Variants in RAB38 observed in about 807,000 individuals in gnomAD.
RAB38 encodes the protein RAB38, member RAS oncogene family.
In RAB38, 15 loss-of-function variants were observed where a neutral mutation model predicts 18.4. That is an observed-to-expected ratio of 0.82 (90% CI 0.55 to 1.26). The LOEUF (loss-of-function observed/expected upper bound fraction) is 1.26. RAB38 is among the 50% of genes most tolerant of loss of function. RAB38 has a pLI of 0.00. For synonymous variants in RAB38, 101 were observed against 104.4 expected (o/e 0.97, Z 0.20); for missense variants, 294 against 267.4 (o/e 1.10, Z -0.69).
chr11:88,098,276 A>G, the RAB38 span: 1 of 152,006 alleles, frequency 6.6e-6, no homozygotes, highest in Non-Finnish European at 1.5e-5. Context: ...TGCTAAGGTC[A>G]GAACAGGATT....
At chr11:87,932,563 T>G in the RAB38 span, among the ~76,000 whole-genome samples, 1 of 152,180 alleles carries the variant, frequency 6.6e-6, no homozygotes, top group African/African-American at 2.4e-5. Context: ...TTCTAATGGA[T>G]TTTTGCCCAG....
intron 2 of RAB38, among the ~76,000 whole-genome samples, chr11:88,123,607 C>G (rs1942656314): frequency 6.6e-6 from 1 of 152,126 alleles, no homozygotes; most frequent in African/African-American, 2.4e-5. Flanking sequence ...TGCAGTAAAG[C>G]AGACATAGGT....
At chr11:88,031,253 C>G in the RAB38 span, among the ~76,000 whole-genome samples, 1 of 152,004 alleles carries the variant, frequency 6.6e-6, no homozygotes. Flanking sequence ...CTATCTATGA[C>G]AAACCCACAG....
At chr11:87,916,412 T>C in the RAB38 span, among the ~76,000 whole-genome samples, 681 of 152,224 alleles carry the variant, frequency 4.5e-3, 3 homozygotes, top group Non-Finnish European at 6.5e-3. Context: ...GGGAGATTGA[T>C]TAGTTCTTAC....
chr11:88,144,704 T>C (rs1193513550), intron 2 of RAB38, among the ~76,000 whole-genome samples: 1 of 152,182 alleles, frequency 6.6e-6, no homozygotes, highest in Non-Finnish European at 1.5e-5. Context: ...TAGAACATTC[T>C]GGGAGAGAGG....
the RAB38 span, among the ~76,000 whole-genome samples, chr11:88,038,858 A>G: frequency 6.6e-6 from 1 of 152,206 alleles, no homozygotes; most frequent in Non-Finnish European, 1.5e-5. Context: ...TCTAAGATAT[A>G]ATCCACATTG....
At chr11:88,006,265 G>A in the RAB38 span, among the ~76,000 whole-genome samples, 3 of 151,254 alleles carry the variant, frequency 2.0e-5, no homozygotes, top group African/African-American at 7.3e-5. Flanking sequence ...TTAAAAAATC[G>A]AAAGATGACA....
At chr11:87,908,403 G>A in the RAB38 span, among the ~76,000 whole-genome samples, 3 of 151,934 alleles carry the variant, frequency 2.0e-5, no homozygotes, top group African/African-American at 7.2e-5. Context: ...CTTAATGTGG[G>A]TGAACACTCC....
the RAB38 span, among the ~76,000 whole-genome samples, chr11:87,857,243 T>C: frequency 6.6e-6 from 1 of 152,224 alleles, no homozygotes; most frequent in Admixed American, 6.5e-5. Flanking sequence ...TATGCCACAT[T>C]TTCTTAATCC....
the RAB38 span, among the ~76,000 whole-genome samples, chr11:88,089,415 G>A: frequency 6.6e-6 from 1 of 151,910 alleles, no homozygotes; most frequent in Non-Finnish European, 1.5e-5. Flanking sequence ...TCCTCCTCAT[G>A]TCAGGGGCAG....
chr11:87,882,400 C>T, the RAB38 span, among the ~76,000 whole-genome samples: 1 of 151,828 alleles, frequency 6.6e-6, no homozygotes, highest in Non-Finnish European at 1.5e-5. Context: ...CCCATCAGTT[C>T]TTATACTTGA....
chr11:87,869,632 T>C, the RAB38 span, among the ~76,000 whole-genome samples: 1 of 151,836 alleles, frequency 6.6e-6, no homozygotes, highest in East Asian at 1.9e-4. Flanking sequence ...ATTCAAGTAT[T>C]TGTGAAGTTT....
chr11:88,071,617 C>T, the RAB38 span, among the ~76,000 whole-genome samples: 1 of 152,078 alleles, frequency 6.6e-6, no homozygotes, highest in African/African-American at 2.4e-5. Context: ...CCCAGAGGCT[C>T]AAGAATTACC....
the RAB38 span, among the ~76,000 whole-genome samples, chr11:88,011,817 G>C: frequency 6.6e-6 from 1 of 152,160 alleles, no homozygotes; most frequent in African/African-American, 2.4e-5. Flanking sequence ...TCAGACAGTA[G>C]GTAAGCAGCA....
intron 1 of RAB38, among the ~76,000 whole-genome samples, chr11:88,158,870 T>C (rs764460795): frequency 2.6e-5 from 4 of 151,932 alleles, no homozygotes; most frequent in Non-Finnish European, 5.9e-5. Context: ...GACAAGGATG[T>C]CCATTCTCAT....
the RAB38 span, among the ~76,000 whole-genome samples, chr11:87,970,648 A>G: frequency 6.6e-6 from 1 of 152,080 alleles, no homozygotes; most frequent in African/African-American, 2.4e-5. Flanking sequence ...CTGATGATCT[A>G]CAATATCCAT....
chr11:88,154,630 G>A (rs1485175571), intron 1 of RAB38, among the ~76,000 whole-genome samples: 7 of 152,286 alleles, frequency 4.6e-5, no homozygotes, highest in South Asian at 2.1e-4. Context: ...GACATAGATC[G>A]TGGTACAGCA....
the RAB38 span, among the ~76,000 whole-genome samples, chr11:88,089,697 G>C: frequency 6.6e-6 from 1 of 151,852 alleles, no homozygotes; most frequent in Non-Finnish European, 1.5e-5. Flanking sequence ...ACCTCTCTAT[G>C]AACTTTTCTG....
At position 88,175,316 on chromosome 11, in the gene RAB38, G is replaced by A. The variant is rs763950757; in HGVS notation, c.69C>T (p.Thr23=). The A allele has an allele frequency of 6.2e-6, 10 of 1,614,210 alleles. No homozygotes were observed. The Admixed American group carries it at 1.5e-4, about 24-fold the overall frequency. ...GGTGCACGTAGCGCTTGATGATACT[G>A]GTCTTCCCCACGCCCAGGTCGCCAA... ...LVIGDLGVGK[T]SIIKRYVHQN... is the part of the protein sequence containing the mutation. Residue 23 remains threonine (T), a synonymous_variant, in exon 1 of 3, where the codon ACC becomes ACT. Transcript: ENST00000243662.
Sources: gnomAD v4.1 joint callset for allele counts (sites outside exome capture counted in the v4.1 genomes callset) on GRCh38, gnomAD v4.1.1 for gene constraint, MANE v1.5 for transcripts, NCBI Gene and HGNC (gene_info 2026-07-23, HGNC 2026-07-21) for gene names.